Variants in LZTFL1 observed in about 807,000 individuals in gnomAD.
LZTFL1 encodes the protein leucine zipper transcription factor like 1.
LZTFL1 carries 25 observed loss-of-function variants against 45.9 expected under a neutral mutation model. That is an observed-to-expected ratio of 0.54 (90% CI 0.40 to 0.76). The LOEUF (loss-of-function observed/expected upper bound fraction) is 0.76, where lower values mean the gene tolerates loss of function less well. LZTFL1 is among the 30% of genes least tolerant of loss of function. LZTFL1 has a pLI of 0.00. For missense variants in LZTFL1, 277 were observed against 331.1 expected (o/e 0.84, Z 1.27); for synonymous variants, 93 against 117.4 (o/e 0.79, Z 1.35).
At chr3:45,892,734 C>A (rs1011427417) in intron 2 of LZTFL1, among the ~76,000 whole-genome samples, 1 of 152,060 alleles carries the variant, frequency 6.6e-6, no homozygotes, top group African/African-American at 2.4e-5. Context: ...AAAAAACCCA[C>A]AAAAACAAAC....
In LZTFL1 at chr3:45,829,157, T is replaced by C. The variant is rs78961425; in HGVS notation, c.601-542A>G. ...TTTTATATTCATGAGATATGTGTAA[T>C]TTTTGCATACTTTGACAACTATAGC... On this transcript the variant is annotated intron_variant, in intron 7 of 9. Coordinates refer to ENST00000296135, the MANE Select transcript of LZTFL1 (RefSeq NM_020347.4). 1.6e-3 allele frequency among the ~76,000 whole-genome samples: 251 copies of C among 152,322 alleles called. 3 individuals are homozygous for C. The East Asian group carries it at 0.046, about 28-fold the overall frequency.
chr3:45,882,826 A>G (rs1701885693), intron 2 of LZTFL1, among the ~76,000 whole-genome samples: 1 of 146,562 alleles, frequency 6.8e-6, no homozygotes. Flanking sequence ...TATTATTATT[A>G]TTATTATTAA....
At chr3:45,828,700 G>A in intron 7 of LZTFL1, 85 bp from the exon 8 acceptor site, 1 of 1,194,266 alleles carries the variant, frequency 8.4e-7, no homozygotes, top group South Asian at 1.4e-5. Flanking sequence ...CATCATAGGA[G>A]ATGAAAAAAA....
chr3:45,849,167 T>C (rs1701269646), intron 4 of LZTFL1, among the ~76,000 whole-genome samples: 1 of 152,194 alleles, frequency 6.6e-6, no homozygotes, highest in Non-Finnish European at 1.5e-5. Flanking sequence ...CATAATGTGA[T>C]CACCTTTTAG....
At chr3:45,867,147 C>CAA (rs58937842) in intron 2 of LZTFL1, among the ~76,000 whole-genome samples, 834 of 61,984 alleles carry the variant, frequency 0.013, 11 homozygotes, top group African/African-American at 0.03. Flanking sequence ...GACTCAATCT[C>CAA]AAAAAAAAAA....
chr3:45,874,128 C>T (rs1322823822), intron 2 of LZTFL1, among the ~76,000 whole-genome samples: 1 of 152,160 alleles, frequency 6.6e-6, no homozygotes, highest in Admixed American at 6.5e-5. Flanking sequence ...TTAATCTCTC[C>T]CATCTTCATT....
At chr3:45,878,930 A>G (rs1279290551) in intron 2 of LZTFL1, among the ~76,000 whole-genome samples, 1 of 152,240 alleles carries the variant, frequency 6.6e-6, no homozygotes, top group Non-Finnish European at 1.5e-5. Context: ...ATGAAAATAC[A>G]TTCGACATCA....
intron 2 of LZTFL1, among the ~76,000 whole-genome samples, chr3:45,870,709 T>A (rs376016551): frequency 6.6e-6 from 1 of 152,244 alleles, no homozygotes; most frequent in East Asian, 1.9e-4. Flanking sequence ...TAATGTTAAT[T>A]ACACAATTAA....
chr3:45,882,128 T>A (rs1379293712), intron 2 of LZTFL1, among the ~76,000 whole-genome samples: 2 of 152,214 alleles, frequency 1.3e-5, no homozygotes, highest in Non-Finnish European at 2.9e-5. Flanking sequence ...TTATATCAGG[T>A]GAATTTTTTG....
At chr3:45,848,883 G>A (rs562912654) in intron 4 of LZTFL1, among the ~76,000 whole-genome samples, 8 of 151,848 alleles carry the variant, frequency 5.3e-5, no homozygotes, top group Non-Finnish European at 8.8e-5. Flanking sequence ...TGATATTTCC[G>A]TGAGTTTTTT....
intron 9 of LZTFL1, among the ~76,000 whole-genome samples, chr3:45,826,583 A>AGG (rs1454015347): frequency 2.0e-5 from 3 of 152,238 alleles, no homozygotes; most frequent in Admixed American, 6.5e-5. Flanking sequence ...ACTTCATATA[A>AGG]TTACCTCAAT....
chr3:45,848,825 GACCA>G (rs1701262298), intron 4 of LZTFL1, among the ~76,000 whole-genome samples: 1 of 152,094 alleles, frequency 6.6e-6, no homozygotes, highest in South Asian at 2.1e-4. Flanking sequence ...TTATAAAATA[GACCA>G]ACCTTTACAT....
At chr3:45,862,967 G>A (rs1317357621) in intron 2 of LZTFL1, among the ~76,000 whole-genome samples, 1 of 152,144 alleles carries the variant, frequency 6.6e-6, no homozygotes, top group African/African-American at 2.4e-5. Context: ...CTCTTGTTTT[G>A]AAACTTTGTT....
chr3:45,826,238 G>A lies in LZTFL1; in HGVS notation c.*76C>T. 7.7e-7 allele frequency: 1 copy of A among 1,304,432 alleles called. No homozygotes were observed. The highest frequency in any genetic ancestry group is 1.1e-6 in the Non-Finnish European group (1 of 908,646). 80.8% of individuals were successfully genotyped at this position (1,304,432 alleles called of 1,614,324 possible). A position where few individuals can be genotyped will look rare whatever the true frequency, so the allele number is the denominator to read the frequency against. ...ATAAGGAGAGGGGATATGACAAAATGCTTTTCAAAATACATGCCTGAGGTG... is the reference window on the plus strand; with the variant it reads ...ATAAGGAGAGGGGATATGACAAAATACTTTTCAAAATACATGCCTGAGGTG... On this transcript the variant is annotated 3_prime_UTR_variant, in exon 10 of 10. Coordinates refer to ENST00000296135, the MANE Select transcript of LZTFL1 (RefSeq NM_020347.4).
intron 2 of LZTFL1, among the ~76,000 whole-genome samples, chr3:45,877,603 T>G (rs1701769791): frequency 6.6e-6 from 1 of 152,152 alleles, no homozygotes; most frequent in Non-Finnish European, 1.5e-5. Flanking sequence ...GATATTGTTT[T>G]GGTTTTTCTT....
At chr3:45,864,468 CA>C (rs1451266848) in intron 2 of LZTFL1, among the ~76,000 whole-genome samples, 2 of 152,066 alleles carry the variant, frequency 1.3e-5, no homozygotes, top group Admixed American at 6.6e-5. Context: ...ATGGTATGTC[CA>C]TATCTGAAAT....
intron 2 of LZTFL1, among the ~76,000 whole-genome samples, chr3:45,836,467 C>G (rs1700968873): frequency 6.6e-6 from 1 of 151,988 alleles, no homozygotes; most frequent in Non-Finnish European, 1.5e-5. Context: ...CCAATCTGGC[C>G]AACACAGCAA....
At chr3:45,888,811 T>C (rs1702059670) in intron 2 of LZTFL1, among the ~76,000 whole-genome samples, 1 of 151,114 alleles carries the variant, frequency 6.6e-6, no homozygotes, top group African/African-American at 2.5e-5. Flanking sequence ...GAAAGAGAAA[T>C]AGATGGCAAG....
rs777242280 is a variant in LZTFL1 at position 45,835,766 on chromosome 3, G to A, written c.147C>T (p.Phe49=). Residue 49 remains phenylalanine, a synonymous_variant, in exon 3 of 10, where the codon TTC becomes TTT. Transcript: ENST00000296135. The stretch of plus-strand genomic sequence containing the variant: ...GGACTTCAGAGACTTCATCTATGGT[G>A]AAGGTGTCCTCCACCAGCCTGAAAA... The part of the protein sequence containing the change: ...LKESRLVEDT[F]TIDEVSEVLN... 2.5e-6 allele frequency: 4 copies of A among 1,611,262 alleles called. No individual in the cohort carries two copies. Among genetic ancestry groups the A allele is most frequent in the South Asian group, 2.2e-5 (2 of 90,590 alleles).
Sources: allele counts gnomAD v4.1 joint callset (sites outside exome capture counted in the v4.1 genomes callset), GRCh38; gene constraint gnomAD v4.1.1; transcripts MANE v1.5; gene names NCBI Gene and HGNC (gene_info 2026-07-23, HGNC 2026-07-21).